The following DCP1A variants were observed in gnomAD, a reference collection of about 807,000 sequenced individuals.
DCP1A encodes the protein mRNA-decapping enzyme 1A.
In DCP1A, 20 loss-of-function variants were observed where a neutral mutation model predicts 58.0. That is an observed-to-expected ratio of 0.34 (90% CI 0.24 to 0.50). The LOEUF is 0.50. Ranked by LOEUF, DCP1A falls within the 20% of genes least tolerant of loss-of-function variation. DCP1A has a pLI of 0.98. For missense variants in DCP1A, 613 were observed against 712.2 expected (o/e 0.86, Z 1.59); for synonymous variants, 285 against 275.1 (o/e 1.04, Z -0.36).
intron 2 of DCP1A, 64 bp downstream of exon 2, chr3:53,344,838 G>T: frequency 1.6e-6 from 2 of 1,240,168 alleles, no homozygotes; most frequent in South Asian, 2.5e-5. Flanking sequence ...CAAGAGAATT[G>T]AACCGTTTCA....
At chr3:53,306,572 C>G (rs1253008838) in intron 5 of DCP1A, among the ~76,000 whole-genome samples, 7 of 151,574 alleles carry the variant, frequency 4.6e-5, no homozygotes, top group Admixed American at 4.6e-4. Flanking sequence ...AAAATAGAGA[C>G]CATCCTGGCT....
chr3:53,292,917 A>G (rs1400334120), intron 6 of DCP1A, 90 bp from the exon 7 acceptor site: 13 of 1,320,570 alleles, frequency 9.8e-6, no homozygotes, highest in Non-Finnish European at 1.3e-5. Flanking sequence ...GATTTTGCAG[A>G]ATCAAGGATG....
chr3:53,288,708 ATAT>A (rs1706739510), intron 8 of DCP1A, among the ~76,000 whole-genome samples: 1 of 152,158 alleles, frequency 6.6e-6, no homozygotes, highest in African/African-American at 2.4e-5. Flanking sequence ...TGCCCAAGGG[ATAT>A]TACATACATG....
intron 3 of DCP1A, among the ~76,000 whole-genome samples, chr3:53,323,139 G>C (rs1553690205): frequency 6.6e-6 from 1 of 152,094 alleles, no homozygotes; most frequent in African/African-American, 2.4e-5. Context: ...TCCCATGTTT[G>C]GAATCCATTT....
At chr3:53,336,577 T>C (rs2089119633) in intron 3 of DCP1A, among the ~76,000 whole-genome samples, 1 of 152,210 alleles carries the variant, frequency 6.6e-6, no homozygotes, top group Non-Finnish European at 1.5e-5. Context: ...TATTTCCTTG[T>C]ATATTTAGTA....
chr3:53,305,486 A>T (rs1237544745), intron 5 of DCP1A, among the ~76,000 whole-genome samples: 2 of 151,806 alleles, frequency 1.3e-5, no homozygotes, highest in Admixed American at 6.6e-5. Flanking sequence ...AGTAGCTGGG[A>T]TTACAGGCGC....
At chr3:53,290,613 A>C in intron 8 of DCP1A, 178 bp downstream of exon 8, 1 of 674,458 alleles carries the variant, frequency 1.5e-6, no homozygotes, top group East Asian at 2.7e-5. Flanking sequence ...CTTAAAAATA[A>C]TGTGTTCTTC....
At chr3:53,342,354 T>A in intron 2 of DCP1A, 83 bp from the exon 3 acceptor site, 1 of 1,098,522 alleles carries the variant, frequency 9.1e-7, no homozygotes, top group Non-Finnish European at 1.3e-6. Context: ...TTATTTTCAT[T>A]TCAAAAAAGA....
At chr3:53,329,211 G>A (rs1469649779) in intron 3 of DCP1A, 2 of 394,640 alleles carry the variant, frequency 5.1e-6, no homozygotes, top group Admixed American at 8.8e-5. Flanking sequence ...ACTTGCCCTT[G>A]AACTGAGAAA....
intron 6 of DCP1A, among the ~76,000 whole-genome samples, chr3:53,302,784 C>G (rs782676294): frequency 1.1e-4 from 16 of 151,792 alleles, no homozygotes; most frequent in Non-Finnish European, 8.8e-5. Flanking sequence ...TTACCACACC[C>G]GGCTAATTTT....
intron 3 of DCP1A, among the ~76,000 whole-genome samples, chr3:53,321,023 C>T (rs1375945870): frequency 5.9e-5 from 9 of 152,240 alleles, no homozygotes; most frequent in African/African-American, 2.2e-4. Context: ...GCCAGTTTTG[C>T]TGGGCTGGCC....
chr3:53,344,148 A>G (rs2089261480), intron 2 of DCP1A, among the ~76,000 whole-genome samples: 1 of 152,114 alleles, frequency 6.6e-6, no homozygotes, highest in Non-Finnish European at 1.5e-5. Flanking sequence ...TACAAAAAAA[A>G]AAGGGAAAAG....
chr3:53,304,315 T>C (rs1553687751), intron 5 of DCP1A, 25 bp from the exon 6 acceptor site: 4 of 1,558,600 alleles, frequency 2.6e-6, no homozygotes, highest in Non-Finnish European at 3.5e-6. Flanking sequence ...AAGAAAAAAA[T>C]ATATCTTGTG....
chr3:53,312,178 G>A, intron 5 of DCP1A, 63 bp downstream of exon 5: 2 of 1,496,212 alleles, frequency 1.3e-6, no homozygotes, highest in Non-Finnish European at 8.9e-7. Context: ...ATAGTCTCCT[G>A]CAGACCTCCT....
intron 5 of DCP1A, among the ~76,000 whole-genome samples, chr3:53,304,763 T>TAC (rs1374824782): frequency 6.6e-6 from 1 of 151,944 alleles, no homozygotes; most frequent in African/African-American, 2.4e-5. Context: ...TTTTGTATTT[T>TAC]TAGTAGAGAC....
chr3:53,314,718 C>T (rs1707751387), intron 4 of DCP1A, among the ~76,000 whole-genome samples: 1 of 133,246 alleles, frequency 7.5e-6, no homozygotes. Context: ...GTCACCCGGG[C>T]TAGAGTGCAG....
intron 2 of DCP1A, 28 bp from the exon 3 acceptor site, chr3:53,342,299 A>G: frequency 6.7e-7 from 1 of 1,499,142 alleles, no homozygotes; most frequent in Non-Finnish European, 9.1e-7. Flanking sequence ...AAAAAAAAAT[A>G]TGTAGTTACC....
chr3:53,330,827 T>TA (rs1559702238), intron 3 of DCP1A, among the ~76,000 whole-genome samples: 145 of 63,416 alleles, frequency 2.3e-3, no homozygotes, highest in South Asian at 3.6e-3. Flanking sequence ...ATATATATAT[T>TA]TTTTTTTTTT....
chr3:53,312,429 A>G, intron 4 of DCP1A, 50 bp from the exon 5 acceptor site: 4 of 1,473,648 alleles, frequency 2.7e-6, no homozygotes, highest in Non-Finnish European at 3.6e-6. Flanking sequence ...ACAAAATCTG[A>G]CCCAAGATTT....
Sources: allele counts gnomAD v4.1 joint callset (sites outside exome capture counted in the v4.1 genomes callset), GRCh38; gene constraint gnomAD v4.1.1; transcripts MANE v1.5; gene names NCBI Gene and HGNC (gene_info 2026-07-23, HGNC 2026-07-21).